The following KCTD16 variants were observed in gnomAD, a reference collection of about 807,000 sequenced individuals.
KCTD16 encodes potassium channel tetramerization domain containing 16.
KCTD16 carries 13 observed loss-of-function variants against 33.2 expected under a neutral mutation model. The ratio of observed to expected loss-of-function variants is 0.39; its 90% CI spans 0.25 to 0.62. The LOEUF (loss-of-function observed/expected upper bound fraction) is 0.62. Among genes scored for constraint, KCTD16 ranks in the 20% least tolerant of loss-of-function variants. The pLI is 0.50. For synonymous variants in KCTD16, 197 were observed against 195.3 expected (o/e 1.01, Z -0.07); for missense variants, 441 against 525.1 (o/e 0.84, Z 1.57).
intron 3 of KCTD16, among the ~76,000 whole-genome samples, chr5:144,375,774 G>C (rs576954470): frequency 4.6e-5 from 7 of 152,064 alleles, no homozygotes; most frequent in Non-Finnish European, 1.0e-4. Context: ...TTCTAGGACC[G>C]TCACATCAAA....
chr5:144,367,975 A>T (rs902439254), intron 3 of KCTD16, among the ~76,000 whole-genome samples: 3 of 151,820 alleles, frequency 2.0e-5, no homozygotes, highest in Admixed American at 2.0e-4. Context: ...ACATCTGTAG[A>T]ATGGGAATAA....
chr5:144,473,571 G>A, intron 3 of KCTD16, 89 bp from the exon 4 acceptor site: 1 of 1,217,134 alleles, frequency 8.2e-7, no homozygotes, highest in African/African-American at 1.5e-5. Context: ...CTTCTCTTAT[G>A]TGTGTTTCTG....
rs1754730820 is a variant in KCTD16, at chr5:144,482,795, A to C, written c.*8681A>C. ...TGTGTACATCTATCTTAATGTGTAT[A>C]TATAAATATATATCTATAGCTGTAC... On this transcript the variant is annotated 3_prime_UTR_variant, in exon 4 of 4. Transcript: ENST00000512467. The C allele has an allele frequency of 3.9e-5, 6 of 151,922 alleles. No homozygotes were observed. In the South Asian group the frequency reaches 1.2e-3, roughly 32 times the overall value. 9.4% of individuals were successfully genotyped at this position (151,922 alleles called of 1,614,324 possible). A position where few individuals can be genotyped will look rare whatever the true frequency, so the allele number is the denominator to read the frequency against.
At position 144,328,504 on chromosome 5, in the gene KCTD16, TTTTTTTTTA is replaced by T. The variant is rs143926127; in HGVS notation, c.832+120976_832+120984del. On this transcript the variant is annotated intron_variant, in intron 3 of 3. Coordinates refer to ENST00000512467, the MANE Select transcript of KCTD16 (RefSeq NM_020768.4). ...TAGGACCAGGAAGCGAATATCCTCT[TTTTTTTTTA>T]TTTTTTTTATTTTTTTTTATTTTGC... is the stretch of plus-strand genomic sequence containing the variant. Among the ~76,000 whole-genome samples the T allele has an allele frequency of 9.8e-3, 1,488 of 151,070 alleles. 22 individuals are homozygous for T. The highest frequency in any genetic ancestry group is 0.034 in the African/African-American group (1,385 of 41,132).
chr5:144,321,790 A>G (rs1752079935), intron 3 of KCTD16, among the ~76,000 whole-genome samples: 2 of 152,182 alleles, frequency 1.3e-5, no homozygotes, highest in African/African-American at 4.8e-5. Context: ...CCAGTGGTGA[A>G]GTGTTTAAAA....
At chr5:144,253,233 T>C (rs1754752154) in intron 3 of KCTD16, among the ~76,000 whole-genome samples, 1 of 152,152 alleles carries the variant, frequency 6.6e-6, no homozygotes, top group Non-Finnish European at 1.5e-5. Flanking sequence ...TACATATTTA[T>C]ATAGTGCATA....
chr5:144,250,831 T>C (rs1043513770), intron 3 of KCTD16, among the ~76,000 whole-genome samples: 3 of 152,208 alleles, frequency 2.0e-5, no homozygotes, highest in Non-Finnish European at 4.4e-5. Flanking sequence ...GCTAACAATA[T>C]CTATATGTAT....
At chr5:144,270,689 G>A (rs1386758124) in intron 3 of KCTD16, among the ~76,000 whole-genome samples, 1 of 150,312 alleles carries the variant, frequency 6.7e-6, no homozygotes, top group Non-Finnish European at 1.5e-5. Context: ...AACAAAGTTA[G>A]AGAAGAGATA....
chr5:144,347,830 G>C (rs1261582553), intron 3 of KCTD16, among the ~76,000 whole-genome samples: 1 of 152,122 alleles, frequency 6.6e-6, no homozygotes, highest in Non-Finnish European at 1.5e-5. Context: ...TTCTGCCTGG[G>C]AGCATGCGTT....
At chr5:144,468,292 A>C (rs1754393258) in intron 3 of KCTD16, among the ~76,000 whole-genome samples, 2 of 152,118 alleles carry the variant, frequency 1.3e-5, no homozygotes, top group Admixed American at 1.3e-4. Context: ...ACCTGTTTGC[A>C]TTTTCACTTC....
Position 144,206,833 on chromosome 5 carries a change from A to G in KCTD16, c.119A>G (p.His40Arg). The G allele has an allele frequency of 6.2e-7, 1 of 1,614,160 alleles. No individual in the cohort carries two copies. Among genetic ancestry groups the G allele is most frequent in the Non-Finnish European group, 8.5e-7 (1 of 1,180,026 alleles). ...GGGGGTCAAGTTTATTTTACTCGCCATTCCACATTGATAAGCATCCCTCAT... is the reference window on the plus strand; with the variant it reads ...GGGGGTCAAGTTTATTTTACTCGCCGTTCCACATTGATAAGCATCCCTCAT... Reference protein sequence around the residue: ...NVGGQVYFTRHSTLISIPHSL... With the variant: ...NVGGQVYFTRRSTLISIPHSL... Residue 40 changes from histidine (H) to arginine (R), a missense_variant, in exon 3 of 4, where the codon CAT becomes CGT. This residue lies in a region of KCTD16 where 80 missense variants were observed against 88.5 expected (regional missense o/e 0.90). Transcript: ENST00000512467.
At chr5:144,282,575 G>A (rs2126855949) in intron 3 of KCTD16, among the ~76,000 whole-genome samples, 1 of 152,234 alleles carries the variant, frequency 6.6e-6, no homozygotes, top group Non-Finnish European at 1.5e-5. Context: ...ATCTGAAGTT[G>A]GGAGCAGCCT....
intron 3 of KCTD16, among the ~76,000 whole-genome samples, chr5:144,318,808 G>A (rs1254106185): frequency 6.6e-6 from 1 of 152,082 alleles, no homozygotes; most frequent in Non-Finnish European, 1.5e-5. Flanking sequence ...CCAAAATGAG[G>A]TGCCCACCAC....
chr5:144,205,460 C>G (rs886702950), intron 2 of KCTD16: 15 of 398,740 alleles, frequency 3.8e-5, no homozygotes, highest in Non-Finnish European at 6.2e-5. Context: ...CCCGGGCCCC[C>G]CGCCGGCATC....
At chr5:144,469,074 G>A (rs530865929) in intron 3 of KCTD16, among the ~76,000 whole-genome samples, 1 of 152,040 alleles carries the variant, frequency 6.6e-6, no homozygotes, top group Non-Finnish European at 1.5e-5. Context: ...GAAGATTTAG[G>A]GCTTTAAGGA....
At chr5:144,312,841 G>A (rs1159398682) in intron 3 of KCTD16, among the ~76,000 whole-genome samples, 1 of 152,146 alleles carries the variant, frequency 6.6e-6, no homozygotes, top group Non-Finnish European at 1.5e-5. Flanking sequence ...AAATACAATG[G>A]CAACATTCTG....
intron 3 of KCTD16, among the ~76,000 whole-genome samples, chr5:144,332,813 G>A (rs915139242): frequency 3.3e-5 from 5 of 152,146 alleles, no homozygotes; most frequent in Non-Finnish European, 5.9e-5. Flanking sequence ...ACCCGAGACT[G>A]GGTAATTTAT....
At chr5:144,287,604 C>T (rs1561554440) in intron 3 of KCTD16, among the ~76,000 whole-genome samples, 1 of 152,058 alleles carries the variant, frequency 6.6e-6, no homozygotes, top group African/African-American at 2.4e-5. Flanking sequence ...CAAGGTAATA[C>T]CTGATACAAG....
chr5:144,359,906 A>C (rs1413223797), intron 3 of KCTD16, among the ~76,000 whole-genome samples: 1 of 152,092 alleles, frequency 6.6e-6, no homozygotes, highest in Non-Finnish European at 1.5e-5. Flanking sequence ...CTGGTAGAGA[A>C]GATCTGTGAT....
Sources: allele counts gnomAD v4.1 joint callset (sites outside exome capture counted in the v4.1 genomes callset), GRCh38; gene constraint gnomAD v4.1.1; regional missense constraint gnomAD v4.1.1; transcripts MANE v1.5; gene names NCBI Gene and HGNC (gene_info 2026-07-23, HGNC 2026-07-21).